TOR2A: variants seen among roughly 807,000 people sequenced by gnomAD.
TOR2A encodes the protein torsin family 2 member A.
Under a neutral mutation model 28.6 loss-of-function variants are expected in TOR2A, and 24 were observed. That is an observed-to-expected ratio of 0.84 (90% CI 0.61 to 1.18). The LOEUF (loss-of-function observed/expected upper bound fraction) is 1.18, where lower values mean the gene tolerates loss of function less well. Ranked by LOEUF, TOR2A falls within the 50% of genes most tolerant of loss-of-function variation. The pLI is 0.00. For missense variants in TOR2A, 426 were observed against 448.1 expected (o/e 0.95, Z 0.45); for synonymous variants, 203 against 203.1 (o/e 1.00, Z 0.00).
In TOR2A at chr9:127,734,422, G is replaced by T; in HGVS notation, c.294C>A (p.Gly98=). 6.2e-7 allele frequency: 1 copy of T among 1,612,582 alleles called. No homozygotes were observed. The highest frequency in any genetic ancestry group is 8.5e-7 in the Non-Finnish European group (1 of 1,179,794). The change falls in exon 2 of 5, where the codon GGC becomes GGA. Residue 98 remains glycine, a synonymous_variant. Coordinates refer to ENST00000373284, the MANE Select transcript of TOR2A (RefSeq NM_001085347.3). ...CCAGCAGGGAGCTGACATAGGATTT[G>T]CCGGTGCCGGTCCAGCCGTGCAGGG... ...VLSLHGWTGT[G]KSYVSSLLAH... is the part of the protein sequence containing the mutation.
At chr9:127,732,490 T>C in intron 4 of TOR2A, 74 bp downstream of exon 4, 2 of 1,483,074 alleles carry the variant, frequency 1.3e-6, no homozygotes, top group South Asian at 1.3e-5. Context: ...GGGCAAAGCA[T>C]GAGACCCCGG....
chr9:127,732,366 G>C, intron 4 of TOR2A, 88 bp from the exon 5 acceptor site: 3 of 1,491,502 alleles, frequency 2.0e-6, no homozygotes, highest in Non-Finnish European at 2.7e-6. Flanking sequence ...GAGGAAAAAT[G>C]CTGGCCTCAG....
At position 127,735,253 on chromosome 9, in the gene TOR2A, G is replaced by T; in HGVS notation, c.18C>A (p.Arg6=). MAAAT[R]GCRPWGSLLG... ...GGAGCGAGCCCCAGGGCCGGCAGCC[G>T]CGCGTCGCAGCCGCCATCCGGGTGA... Residue 6 remains arginine (R), a synonymous_variant, in exon 1 of 5, where the codon CGC becomes CGA. Transcript: ENST00000373284. The T allele has an allele frequency of 2.8e-6, 4 of 1,409,444 alleles. No homozygotes were observed. The highest frequency in any genetic ancestry group is 2.7e-6 in the Non-Finnish European group (3 of 1,091,746). The allele number at this position is 1,409,444 out of a possible 1,614,324, so 87.3% of individuals were successfully genotyped here.
In TOR2A at chr9:127,732,060, C is replaced by T. The variant is rs1189461555; in HGVS notation, c.940G>A (p.Ala314Thr). 2 of 1,613,764 alleles carry T rather than the reference C, an allele frequency of 1.2e-6. No individual in the cohort carries two copies. Among genetic ancestry groups the T allele is most frequent in the Admixed American group, 3.3e-5 (2 of 60,018 alleles). ...CAGAGGAAGAAGGCGATTCGGGAGG[C>T]CACGGTCTTGCAGCCGTTGGAGGAG... ...LFSSNGCKTV[A>T]SRIAFFL The change falls in exon 5 of 5, where the codon GCC becomes ACC. Residue 314 changes from alanine to threonine, a missense_variant. Transcript: ENST00000373284.
At chr9:127,732,541 G>A (rs780944838) in intron 4 of TOR2A, 23 bp downstream of exon 4, 5 of 1,566,176 alleles carry the variant, frequency 3.2e-6, no homozygotes, top group Admixed American at 1.8e-5. Context: ...CTGCCCGGGA[G>A]GGGGCTGCTG....
chr9:127,732,136 G>C lies in TOR2A; in HGVS notation c.864C>G (p.Val288=), dbSNP rs770828027. 3.2e-5 allele frequency: 51 copies of C among 1,613,546 alleles called. No homozygotes were observed. The highest frequency in any genetic ancestry group is 4.3e-5 in the Non-Finnish European group (51 of 1,180,014). The change falls in exon 5 of 5, where the codon GTC becomes GTG. Residue 288 remains valine (V), a synonymous_variant. Coordinates refer to ENST00000373284, the MANE Select transcript of TOR2A (RefSeq NM_001085347.3). ...AGGTGGTGCTGTCCAGCACAGCCTGGACAACCTCATCCCTTGGCTCCAGGC... is the reference window on the plus strand; with the variant it reads ...AGGTGGTGCTGTCCAGCACAGCCTGCACAACCTCATCCCTTGGCTCCAGGC... ...QLGLEPRDEV[V]QAVLDSTTFF...
At chr9:127,733,156 C>A (rs1844531636) in intron 3 of TOR2A, 6 of 1,548,810 alleles carry the variant, frequency 3.9e-6, no homozygotes, top group Non-Finnish European at 2.6e-6. Context: ...AGGGCTTCCA[C>A]AAAGAAGTGG....
chr9:127,732,833 T>TC (rs1844510150), intron 3 of TOR2A, 142 bp from the exon 4 acceptor site: 1 of 1,442,738 alleles, frequency 6.9e-7, no homozygotes, highest in East Asian at 2.5e-5. Context: ...ACGCTCCACT[T>TC]CCCCCTCCAT....
rs1002902878 is a variant in TOR2A, at chr9:127,735,225, C to G, written c.46G>C (p.Gly16Arg). The change falls in exon 1 of 5, where the codon GGG (glycine) becomes CGG (arginine). Residue 16 changes from glycine to arginine, a missense_variant. Physicochemically the swap from Gly to Arg is moderately radical, Grantham distance 125. Transcript: ENST00000373284. ...GCGGCCGAGACCAGCCCGAGCAGCCCGAGGAGCGAGCCCCAGGGCCGGCAG... is the reference window on the plus strand; with the variant it reads ...GCGGCCGAGACCAGCCCGAGCAGCCGGAGGAGCGAGCCCCAGGGCCGGCAG... ...RGCRPWGSLLGLLGLVSAAAA... is the reference protein window; with the variant it reads ...RGCRPWGSLLRLLGLVSAAAA... The G allele has an allele frequency of 2.1e-6, 3 of 1,463,146 alleles. No homozygotes were observed. Among genetic ancestry groups the G allele is most frequent in the Non-Finnish European group, 2.7e-6 (3 of 1,115,464 alleles). The allele number at this position is 1,463,146 out of a possible 1,614,324, so 90.6% of individuals were successfully genotyped here.
Position 127,731,853 on chromosome 9 carries a change from T to C in TOR2A, c.*181A>G, listed in dbSNP as rs1290647985. ...TGACCAGGGGTTTCCCTGGGGAAGG[T>C]GGCCGGGGCCAAGATGCTCTCGAGC... On this transcript the variant is annotated 3_prime_UTR_variant, in exon 5 of 5. Coordinates refer to ENST00000373284, the MANE Select transcript of TOR2A (RefSeq NM_001085347.3). 1.5e-6 allele frequency: 2 copies of C among 1,316,452 alleles called. No homozygotes were observed. The highest frequency in any genetic ancestry group is 6.0e-5 in the Admixed American group (2 of 33,350). The allele number at this position is 1,316,452 out of a possible 1,614,324, so 81.5% of individuals were successfully genotyped here.
At chr9:127,735,092 C>T (rs1288015465) in intron 1 of TOR2A, 28 bp downstream of exon 1, 4 of 1,428,014 alleles carry the variant, frequency 2.8e-6, no homozygotes, top group Non-Finnish European at 3.6e-6. Context: ...TCCGCCCGCC[C>T]CTCGCTCCGG....
chr9:127,734,979 G>C (rs140991537), intron 1 of TOR2A, 141 bp downstream of exon 1: 113 of 1,247,670 alleles, frequency 9.1e-5, no homozygotes, highest in African/African-American at 8.9e-4. Context: ...ACCCTCCCAA[G>C]TCTGCGGGCC....
At position 127,733,492 on chromosome 9, in the gene TOR2A, C is replaced by T; in HGVS notation, c.486G>A (p.Glu162=). 2 of 1,613,960 alleles carry T rather than the reference C, an allele frequency of 1.2e-6. No individual in the cohort carries two copies. The highest frequency in any genetic ancestry group is 1.1e-5 in the South Asian group (1 of 91,086). The change falls in exon 3 of 5, where the codon GAG becomes GAA. Residue 162 remains glutamate, a synonymous_variant. Coordinates refer to ENST00000373284, the MANE Select transcript of TOR2A (RefSeq NM_001085347.3). ...TCAGGCCTGGGGGCATCTTGTCCAT[C>T]TCATCGAAGAGGAAGAGGGAGCGGC... is the stretch of plus-strand genomic sequence containing the variant. The part of the protein sequence containing the change: ...ACGRSLFLFD[E]MDKMPPGLME...
rs747261670 is a variant in TOR2A at position 127,732,638 on chromosome 9, C to T, written c.647G>A (p.Arg216Gln). Residue 216 changes from arginine to glutamine, a missense_variant, in exon 4 of 5, where the codon CGG becomes CAG. By Grantham distance (43) the Arg-to-Gln change is conservative. Transcript: ENST00000373284. ...CAGGAGGATCTCCTCGCGGTCCCGCCGGCTGCGCCACGCCTCCAATGCCAC... is the reference window on the plus strand; with the variant it reads ...CAGGAGGATCTCCTCGCGGTCCCGCTGGCTGCGCCACGCCTCCAATGCCAC... Reference protein sequence around the residue: ...NQVALEAWRSRRDREEILLQE... With the variant: ...NQVALEAWRSQRDREEILLQE... 48 of 1,573,080 alleles carry T rather than the reference C, an allele frequency of 3.1e-5. No individual in the cohort carries two copies. The highest frequency in any genetic ancestry group is 5.4e-5 in the African/African-American group (4 of 74,152).
intron 3 of TOR2A, 83 bp from the exon 4 acceptor site, chr9:127,732,774 C>T (rs1844505693): frequency 1.3e-6 from 2 of 1,507,388 alleles, no homozygotes; most frequent in Admixed American, 2.0e-5. Context: ...CCGCTGCCAC[C>T]TGACATAGGA....
At position 127,732,010 on chromosome 9, in the gene TOR2A, G is replaced by A. The variant is rs758899769; in HGVS notation, c.*24C>T. 16 of 1,602,814 alleles carry A rather than the reference G, an allele frequency of 1.0e-5. No individual in the cohort carries two copies. In the East Asian group the frequency reaches 2.9e-4, roughly 29 times the overall value. On this transcript the variant is annotated 3_prime_UTR_variant, in exon 5 of 5. Transcript: ENST00000373284. ...TTCCTGCATGGCCTGGCCATCAGGG[G>A]GGCCGAGGACACCACTCAGAGAGTC...
rs899962749 is a variant in TOR2A at position 127,731,900 on chromosome 9, T to C, written c.*134A>G. 10 of 1,481,468 alleles carry C rather than the reference T, an allele frequency of 6.8e-6. No homozygotes were observed. Among genetic ancestry groups the C allele is most frequent in the Non-Finnish European group, 8.1e-6 (9 of 1,114,596 alleles). The allele number at this position is 1,481,468 out of a possible 1,614,324, so 91.8% of individuals were successfully genotyped here. ...GAGCCAGTTTAGAGGCCAGGGCCCTTCCTGGCCATCTGTCCCGTGGCCTAG... is the reference window on the plus strand; with the variant it reads ...GAGCCAGTTTAGAGGCCAGGGCCCTCCCTGGCCATCTGTCCCGTGGCCTAG... On this transcript the variant is annotated 3_prime_UTR_variant, in exon 5 of 5. Coordinates refer to ENST00000373284, the MANE Select transcript of TOR2A (RefSeq NM_001085347.3).
chr9:127,732,738 C>T, intron 3 of TOR2A, 47 bp from the exon 4 acceptor site: 2 of 1,545,022 alleles, frequency 1.3e-6, no homozygotes, highest in Non-Finnish European at 1.7e-6. Flanking sequence ...AGGACTAGCG[C>T]AGGGCAGGAT....
At chr9:127,732,879 A>G (rs1844512778) in intron 3 of TOR2A, 188 bp from the exon 4 acceptor site, 3 of 1,425,768 alleles carry the variant, frequency 2.1e-6, no homozygotes, top group Admixed American at 5.9e-5. Context: ...ATTCACCTAC[A>G]CATGCCACGT....
Sources: allele counts gnomAD v4.1 joint callset, GRCh38; gene constraint gnomAD v4.1.1; transcripts MANE v1.5; gene names NCBI Gene and HGNC (gene_info 2026-07-23, HGNC 2026-07-21).